Variants in ZCCHC17 observed in about 807,000 individuals in gnomAD.
ZCCHC17 encodes zinc finger CCHC-type containing 17.
Under a neutral mutation model 30.6 loss-of-function variants are expected in ZCCHC17, and 18 were observed. That is an observed-to-expected ratio of 0.59 (90% CI 0.41 to 0.87). The LOEUF (loss-of-function observed/expected upper bound fraction) is 0.87. ZCCHC17 is among the 40% of genes least tolerant of loss of function. The pLI, the probability that ZCCHC17 is intolerant of heterozygous loss-of-function variation, is 0.00. For synonymous variants in ZCCHC17, 88 were observed against 92.4 expected, an observed-to-expected ratio of 0.95 and a Z score of 0.27; for missense variants, 263 against 284.2, an observed-to-expected ratio of 0.93 and a Z score of 0.54.
intron 1 of ZCCHC17, among the ~76,000 whole-genome samples, chr1:31,302,066 A>G (rs949842526): frequency 1.1e-4 from 17 of 152,100 alleles, no homozygotes; most frequent in Non-Finnish European, 4.4e-5. Flanking sequence ...TGTCTCTACT[A>G]AAAGTACACA....
rs1346172903 is a variant in ZCCHC17 at position 31,348,860 on chromosome 1, A to G, written c.450A>G (p.Pro150=). The G allele has an allele frequency of 6.2e-7, 1 of 1,612,864 alleles. No individual in the cohort carries two copies. The highest frequency in any genetic ancestry group is 1.3e-5 in the African/African-American group (1 of 74,900). ...GHFAKDCFMQ[P]GGTKYSLIPD... Reference sequence around the variant, plus strand: ...TTGCAAAAGATTGTTTCATGCAACCAGGTGGGACTAAATACTCTCTGATAC... The same window carrying G: ...TTGCAAAAGATTGTTTCATGCAACCGGGTGGGACTAAATACTCTCTGATAC... The change falls in exon 7 of 8, where the codon CCA becomes CCG. Residue 150 remains proline, a synonymous_variant. Coordinates refer to ENST00000344147, the MANE Select transcript of ZCCHC17 (RefSeq NM_016505.4).
intron 5 of ZCCHC17, among the ~76,000 whole-genome samples, chr1:31,341,619 T>A: frequency 6.6e-6 from 1 of 152,328 alleles, no homozygotes; most frequent in South Asian, 2.1e-4. Flanking sequence ...GAAGGAAGCA[T>A]GGCATAATGG....
At chr1:31,348,050 G>A (rs757051786) in intron 6 of ZCCHC17, among the ~76,000 whole-genome samples, 15 of 152,156 alleles carry the variant, frequency 9.9e-5, no homozygotes, top group Non-Finnish European at 2.2e-4. Context: ...GTGAAGGTGG[G>A]GGTCTTTTAA....
chr1:31,302,766 A>G (rs890180072), intron 1 of ZCCHC17, among the ~76,000 whole-genome samples: 1 of 152,274 alleles, frequency 6.6e-6, no homozygotes, highest in African/African-American at 2.4e-5. Flanking sequence ...GGAGAGAGAG[A>G]GAGAGCAAGA....
intron 7 of ZCCHC17, among the ~76,000 whole-genome samples, chr1:31,360,289 C>T (rs1235190391): frequency 2.6e-5 from 4 of 152,246 alleles, no homozygotes; most frequent in South Asian, 4.1e-4. Flanking sequence ...CCTGCCTCAG[C>T]CTCCCGAGTA....
chr1:31,318,195 A>G, intron 2 of ZCCHC17: 1 of 1,535,486 alleles, frequency 6.5e-7, no homozygotes, highest in South Asian at 1.2e-5. Context: ...AGTGCTCAAG[A>G]TGAAGCAGCT....
chr1:31,317,789 AT>A (rs1339551349), intron 2 of ZCCHC17, among the ~76,000 whole-genome samples: 1 of 152,150 alleles, frequency 6.6e-6, no homozygotes, highest in African/African-American at 2.4e-5. Context: ...ATTCCACTTC[AT>A]TTGCAACATA....
chr1:31,348,770 A>G (rs1217581363), intron 6 of ZCCHC17, 59 bp from the exon 7 acceptor site: 3 of 1,601,834 alleles, frequency 1.9e-6, no homozygotes, highest in Non-Finnish European at 2.6e-6. Context: ...GGAAAGATTC[A>G]CTTGCTGAGA....
chr1:31,337,188 A>C lies in ZCCHC17; in HGVS notation c.138A>C (p.Arg46=). ...PGCRKQGLVH[R]THMSSCRVDK... ...TCTTGTGCCCAGGTCTGGTCCATCG[A>C]ACTCATATGTCATCCTGTCGGGTGG... is the stretch of plus-strand genomic sequence containing the variant. Residue 46 remains arginine (R), a synonymous_variant, in exon 4 of 8, where the codon CGA becomes CGC. Coordinates refer to ENST00000344147, the MANE Select transcript of ZCCHC17 (RefSeq NM_016505.4). 1 of 1,614,030 alleles carries C rather than the reference A, an allele frequency of 6.2e-7. No homozygotes were observed. Among genetic ancestry groups the C allele is most frequent in the East Asian group, 2.2e-5 (1 of 44,872 alleles).
chr1:31,304,756 T>G (rs895838226), intron 1 of ZCCHC17, among the ~76,000 whole-genome samples: 15 of 151,948 alleles, frequency 9.9e-5, no homozygotes, highest in African/African-American at 3.6e-4. Context: ...CTGCCACGCC[T>G]GGCTAATTAT....
At chr1:31,345,966 A>G (rs1385631850) in intron 5 of ZCCHC17, among the ~76,000 whole-genome samples, 1 of 152,080 alleles carries the variant, frequency 6.6e-6, no homozygotes, top group Non-Finnish European at 1.5e-5. Context: ...ACATCAACAT[A>G]TATATTATAT....
chr1:31,297,559 G>T (rs934872390), intron 1 of ZCCHC17, among the ~76,000 whole-genome samples: 7 of 152,270 alleles, frequency 4.6e-5, no homozygotes, highest in African/African-American at 1.7e-4. Context: ...TGCCTCAGTC[G>T]TCCTGCTGAT....
At position 31,314,945 on chromosome 1, in the gene ZCCHC17, A is replaced by G. The variant is rs571204488; in HGVS notation, c.67-4164A>G. Among the ~76,000 whole-genome samples, 8 of 152,164 alleles carry G rather than the reference A, an allele frequency of 5.3e-5. No homozygotes were observed. In the South Asian group the frequency reaches 1.5e-3, roughly 28 times the overall value. ...GCCTCCCAAAGTGCTGGGATTATAG[A>G]TGTGAGCCACCGCACCCAGCCAAGA... On this transcript the variant is annotated intron_variant, in intron 2 of 7. Transcript: ENST00000344147.
intron 2 of ZCCHC17, among the ~76,000 whole-genome samples, chr1:31,310,995 G>C (rs191170669): frequency 2.4e-4 from 37 of 152,262 alleles, no homozygotes; most frequent in African/African-American, 8.9e-4. Context: ...TCTCTTGCCT[G>C]GTCTTTACTG....
intron 5 of ZCCHC17, among the ~76,000 whole-genome samples, chr1:31,341,623 A>G (rs1265212601): frequency 1.3e-5 from 2 of 152,236 alleles, no homozygotes; most frequent in Non-Finnish European, 2.9e-5. Context: ...GAAGCATGGC[A>G]TAATGGAATG....
In ZCCHC17 at chr1:31,364,167, A is replaced by C. The variant is rs747342985; in HGVS notation, c.700A>C (p.Lys234Gln). 4.0e-5 allele frequency: 64 copies of C among 1,613,462 alleles called. No individual in the cohort carries two copies. Among genetic ancestry groups the C allele is most frequent in the Middle Eastern group, 3.4e-4 (2 of 5,958 alleles). Residue 234 changes from lysine (K) to glutamine (Q), a missense_variant, in exon 8 of 8, where the codon AAG (lysine) becomes CAG (glutamine). Coordinates refer to ENST00000344147, the MANE Select transcript of ZCCHC17 (RefSeq NM_016505.4). ...KAAKKKKKKK[K>Q]HKKKHKE Reference sequence around the variant, plus strand: ...AGCAAAGAAGAAGAAAAAGAAGAAGAAGCACAAGAAGAAGCACAAGGAGTG... The same window carrying C: ...AGCAAAGAAGAAGAAAAAGAAGAAGCAGCACAAGAAGAAGCACAAGGAGTG...
chr1:31,308,319 T>C (rs1569752409), intron 1 of ZCCHC17, among the ~76,000 whole-genome samples: 1 of 152,238 alleles, frequency 6.6e-6, no homozygotes, highest in East Asian at 1.9e-4. Flanking sequence ...AGGACAGGGA[T>C]GTTCCTGAGC....
At chr1:31,357,762 T>C (rs1455794808) in intron 7 of ZCCHC17, among the ~76,000 whole-genome samples, 1 of 150,834 alleles carries the variant, frequency 6.6e-6, no homozygotes, top group African/African-American at 2.4e-5. Flanking sequence ...GGCCTTTCTT[T>C]TTTTTTTTTT....
At chr1:31,361,581 C>A (rs1639895535) in intron 7 of ZCCHC17, among the ~76,000 whole-genome samples, 1 of 152,064 alleles carries the variant, frequency 6.6e-6, no homozygotes, top group African/African-American at 2.4e-5. Flanking sequence ...TTCTAATGAC[C>A]ATACCATGAG....
Sources: gnomAD v4.1 joint callset for allele counts (sites outside exome capture counted in the v4.1 genomes callset) on GRCh38, gnomAD v4.1.1 for gene constraint, MANE v1.5 for transcripts, NCBI Gene and HGNC (gene_info 2026-07-23, HGNC 2026-07-21) for gene names.